Variants in CALML4 observed in about 807,000 individuals in gnomAD.
CALML4 encodes calmodulin like 4.
In CALML4, 16 loss-of-function variants were observed where a neutral mutation model predicts 17.9. The ratio of observed to expected loss-of-function variants is 0.89; its 90% confidence interval spans 0.61 to 1.36. The LOEUF (loss-of-function observed/expected upper bound fraction) is 1.36, where lower values mean the gene tolerates loss of function less well. CALML4 is among the 40% of genes most tolerant of loss of function. The pLI, the probability that CALML4 is intolerant of heterozygous loss-of-function variation, is 0.00. For synonymous variants in CALML4, 86 were observed against 71.5 expected (o/e 1.20, Z -1.02); for missense variants, 203 against 194.8 (o/e 1.04, Z -0.25).
Position 68,197,802 on chromosome 15 carries a change from C to T in CALML4, c.176-174G>A. ...ATCCCCTCCCACCGAGTTCCCACGA[C>T]AGGCCCCTCACTGGACTGGACATTC... is the stretch of plus-strand genomic sequence containing the variant. On this transcript the variant is annotated intron_variant, in intron 3 of 4. Coordinates refer to ENST00000467889, the MANE Select transcript of CALML4 (RefSeq NM_033429.3). The surrounding 1 kb of genome is among the most constrained non-coding windows in gnomAD (Gnocchi z 4.1). The T allele has an allele frequency of 3.3e-6, 2 of 599,662 alleles. No individual in the cohort carries two copies. Among genetic ancestry groups the T allele is most frequent in the Non-Finnish European group, 5.9e-6 (2 of 338,818 alleles). The allele number at this position is 599,662 out of a possible 1,614,324, so 37.1% of individuals were successfully genotyped here.
Position 68,197,764 on chromosome 15 carries a change from G to A in CALML4, c.176-136C>T. On this transcript the variant is annotated intron_variant, in intron 3 of 4. Transcript: ENST00000467889. The surrounding 1 kb of genome is among the most constrained non-coding windows in gnomAD (Gnocchi z 4.1). ...ATGCCAGGATGTGGCAGTGGTCACA[G>A]TGAAGAGGATGCATCCCCTCCCACC... The A allele has an allele frequency of 1.4e-6, 1 of 733,046 alleles. No individual in the cohort carries two copies. 45.4% of individuals were successfully genotyped at this position (733,046 alleles called of 1,614,324 possible). A position where few individuals can be genotyped will look rare whatever the true frequency, so the allele number is the denominator to read the frequency against.
intron 2 of CALML4, among the ~76,000 whole-genome samples, chr15:68,203,859 C>A (rs2093173407): frequency 6.6e-6 from 1 of 152,168 alleles, no homozygotes; most frequent in African/African-American, 2.4e-5. Context: ...CTGGTGGCCA[C>A]TTTCTTGGTG....
At position 68,199,608 on chromosome 15, in the gene CALML4, G is replaced by A; in HGVS notation, c.108C>T (p.Ala36=). The change falls in exon 3 of 5, where the codon GCC becomes GCT. Residue 36 remains alanine (A), a synonymous_variant. Coordinates refer to ENST00000467889, the MANE Select transcript of CALML4 (RefSeq NM_033429.3). Reference sequence around the variant, plus strand: ...TCGGGCTGGCCCCCAGGCACCTCATGGCCACCATGAGGTCGGTGGCTTTTA... The same window carrying A: ...TCGGGCTGGCCCCCAGGCACCTCATAGCCACCATGAGGTCGGTGGCTTTTA... ...GKIKATDLMV[A]MRCLGASPTP... 6.2e-7 allele frequency: 1 copy of A among 1,613,642 alleles called. No individual in the cohort carries two copies. Among genetic ancestry groups the A allele is most frequent in the Non-Finnish European group, 8.5e-7 (1 of 1,179,922 alleles).
chr15:68,197,496 G>A lies in CALML4; in HGVS notation c.308C>T (p.Ala103Val), dbSNP rs751371702. The A allele has an allele frequency of 2.0e-5, 32 of 1,614,010 alleles. No individual in the cohort carries two copies. Among genetic ancestry groups the A allele is most frequent in the East Asian group, 6.7e-5 (3 of 44,874 alleles). The change falls in exon 4 of 5, where the codon GCG becomes GTG. Residue 103 changes from alanine (A) to valine (V), a missense_variant. Coordinates refer to ENST00000467889, the MANE Select transcript of CALML4 (RefSeq NM_033429.3). This position sits in a 1 kb window ranked among gnomAD's most constrained non-coding sequence, Gnocchi z 4.1. ...VDKEKKGYVM[A>V]SDLRSKLTSL... ...CGTGAGTTTTGACCGCAGGTCGGAC[G>A]CCATGACGTAACCTTTCTTCTCCTT...
rs2093121785 is a variant in CALML4 at position 68,191,843 on chromosome 15, C to T, written c.*2172G>A. On this transcript the variant is annotated 3_prime_UTR_variant, in exon 5 of 5. Transcript: ENST00000467889. ...TCCTCGGGTAGAGGTTTGAATCAAA[C>T]ACTTAATAGGATCTTAGACTCTGGA... The T allele has an allele frequency of 2.0e-5, 3 of 152,166 alleles. No homozygotes were observed. Among genetic ancestry groups the T allele is most frequent in the Admixed American group, 2.0e-4 (3 of 15,280 alleles). The allele number at this position is 152,166 out of a possible 1,614,324, so 9.4% of individuals were successfully genotyped here. A position where few individuals can be genotyped will look rare whatever the true frequency, so the allele number is the denominator to read the frequency against.
At chr15:68,205,982 G>A (rs922415327), upstream of CALML4, 6 of 153,650 alleles carry the variant, frequency 3.9e-5, no homozygotes, top group African/African-American at 1.4e-4. The surrounding 1 kb of genome is among the most constrained non-coding windows in gnomAD (Gnocchi z 4.8). Context: ...TGGTGGAGGG[G>A]CCTGAGCCGG....
chr15:68,195,551 G>A (rs1278637167), intron 4 of CALML4, among the ~76,000 whole-genome samples: 1 of 152,152 alleles, frequency 6.6e-6, no homozygotes. Context: ...GGACACCTGA[G>A]TAGAACAGCC....
rs2093126951 is a variant in CALML4, at chr15:68,192,942, C to T, written c.*1073G>A. ...TCCAGATTTGACAAGTGTATGGCACCTCTGAATCTCTGGCAGCACCAACCT... is the reference window on the plus strand; with the variant it reads ...TCCAGATTTGACAAGTGTATGGCACTTCTGAATCTCTGGCAGCACCAACCT... On this transcript the variant is annotated 3_prime_UTR_variant, in exon 5 of 5. Coordinates refer to ENST00000467889, the MANE Select transcript of CALML4 (RefSeq NM_033429.3). 6.6e-6 allele frequency: 1 copy of T among 152,184 alleles called. No homozygotes were observed. The highest frequency in any genetic ancestry group is 1.5e-5 in the Non-Finnish European group (1 of 68,078). The allele number at this position is 152,184 out of a possible 1,614,324, so 9.4% of individuals were successfully genotyped here.
chr15:68,193,954 T>C lies in CALML4; in HGVS notation c.*61A>G. On this transcript the variant is annotated 3_prime_UTR_variant, in exon 5 of 5. Coordinates refer to ENST00000467889, the MANE Select transcript of CALML4 (RefSeq NM_033429.3). ...CTCTCCCAAGTGAAAAGAACACTTT[T>C]TAAAAAAAATTAATTGCTCCAAGTT... 3 of 1,281,112 alleles carry C rather than the reference T, an allele frequency of 2.3e-6. No individual in the cohort carries two copies. The highest frequency in any genetic ancestry group is 3.4e-6 in the Non-Finnish European group (3 of 888,376). The allele number at this position is 1,281,112 out of a possible 1,614,324, so 79.4% of individuals were successfully genotyped here.
chr15:68,205,315 G>A lies in CALML4; in HGVS notation c.-68C>T. The A allele has an allele frequency of 6.2e-7, 1 of 1,614,096 alleles. No homozygotes were observed. The highest frequency in any genetic ancestry group is 8.5e-7 in the Non-Finnish European group (1 of 1,180,022). ...ACCGCGTTCAGTTCCCTTTCCTCCA[G>A]CCTCAAGTCTAAAGTCTGCCAAGCT... On this transcript the variant is annotated 5_prime_UTR_variant, in exon 1 of 5. Transcript: ENST00000467889. The surrounding 1 kb of genome is among the most constrained non-coding windows in gnomAD (Gnocchi z 4.8).
chr15:68,199,584 C>T lies in CALML4; in HGVS notation c.132G>A (p.Pro44=), dbSNP rs756782215. 8.7e-6 allele frequency: 14 copies of T among 1,613,648 alleles called. No homozygotes were observed. Among genetic ancestry groups the T allele is most frequent in the Admixed American group, 6.7e-5 (4 of 59,972 alleles). The change falls in exon 3 of 5, where the codon CCG becomes CCA. Residue 44 remains proline (P), a synonymous_variant. Transcript: ENST00000467889. The stretch of plus-strand genomic sequence containing the variant: ...GGTGCCGCTGCACCTCCCCTGGCGT[C>T]GGGCTGGCCCCCAGGCACCTCATGG... ...MVAMRCLGAS[P]TPGEVQRHLQ... is the part of the protein sequence containing the mutation.
intron 2 of CALML4, among the ~76,000 whole-genome samples, chr15:68,202,344 G>A (rs911761858): frequency 7.9e-5 from 12 of 152,208 alleles, no homozygotes; most frequent in East Asian, 3.8e-4. Flanking sequence ...AGTGGCTCAC[G>A]CCTGTAATCC....
At chr15:68,199,726 C>G in intron 2 of CALML4, 45 bp from the exon 3 acceptor site, 1 of 1,573,426 alleles carries the variant, frequency 6.4e-7, no homozygotes, top group Non-Finnish European at 8.7e-7. Flanking sequence ...TGGTCACTCT[C>G]CGCCCATGCC....
intron 2 of CALML4, among the ~76,000 whole-genome samples, chr15:68,203,832 C>G (rs2093173331): frequency 6.6e-6 from 1 of 152,214 alleles, no homozygotes; most frequent in African/African-American, 2.4e-5. Context: ...TCCAGTCTTT[C>G]ACACACTCAT....
rs753888864 is a variant in CALML4, at chr15:68,197,195, C to T, written c.364+245G>A. The stretch of plus-strand genomic sequence containing the variant: ...TCCAGCTGCCCTGCCTTGTGGGTTC[C>T]GAGCTGGGTTTCCCCTAGGCTGTCC... On this transcript the variant is annotated intron_variant, in intron 4 of 4. Transcript: ENST00000467889. This position sits in a 1 kb window ranked among gnomAD's most constrained non-coding sequence, Gnocchi z 4.1. Among the ~76,000 whole-genome samples the T allele has an allele frequency of 6.6e-6, 1 of 152,104 alleles. No individual in the cohort carries two copies. The highest frequency in any genetic ancestry group is 1.5e-5 in the Non-Finnish European group (1 of 67,998).
At chr15:68,195,250 C>T (rs573561525) in intron 4 of CALML4, among the ~76,000 whole-genome samples, 5 of 151,710 alleles carry the variant, frequency 3.3e-5, no homozygotes, top group African/African-American at 1.2e-4. Context: ...GGATACCTTC[C>T]ACACACACAC....
Position 68,205,255 on chromosome 15 carries a change from C to G in CALML4, c.-8G>C. On this transcript the variant is annotated 5_prime_UTR_variant, in exon 1 of 5. Coordinates refer to ENST00000467889, the MANE Select transcript of CALML4 (RefSeq NM_033429.3). The surrounding 1 kb of genome is among the most constrained non-coding windows in gnomAD (Gnocchi z 4.8). ...GACCCTCACACTCACCATTCTGGGGCCTCGGCTGCTACCCGTGGGCTTGCT... is the reference window on the plus strand; with the variant it reads ...GACCCTCACACTCACCATTCTGGGGGCTCGGCTGCTACCCGTGGGCTTGCT... 6.2e-7 allele frequency: 1 copy of G among 1,614,140 alleles called. No individual in the cohort carries two copies. The highest frequency in any genetic ancestry group is 8.5e-7 in the Non-Finnish European group (1 of 1,180,024).
Position 68,194,004 on chromosome 15 carries a change from A to G in CALML4, c.*11T>C. On this transcript the variant is annotated 3_prime_UTR_variant, in exon 5 of 5. Coordinates refer to ENST00000467889, the MANE Select transcript of CALML4 (RefSeq NM_033429.3). ...TTTCAGGCCCAGGGGAGGCTCTCCC[A>G]TTCTCCTCCTTCAATAGTCCCGTCC... 4 of 1,594,138 alleles carry G rather than the reference A, an allele frequency of 2.5e-6. No individual in the cohort carries two copies. Among genetic ancestry groups the G allele is most frequent in the Non-Finnish European group, 3.4e-6 (4 of 1,162,330 alleles).
rs1453742110 is a variant in CALML4, at chr15:68,192,718, TCCTCCCAAAAGA to T, written c.*1285_*1296del. The T allele has an allele frequency of 1.3e-5, 2 of 152,236 alleles. No homozygotes were observed. Among genetic ancestry groups the T allele is most frequent in the Non-Finnish European group, 2.9e-5 (2 of 68,088 alleles). 9.4% of individuals were successfully genotyped at this position (152,236 alleles called of 1,614,324 possible). A position where few individuals can be genotyped will look rare whatever the true frequency, so the allele number is the denominator to read the frequency against. ...TAGTGAAAGATTTGTGTCTTGTACA[TCCTCCCAAAAGA>T]CACATCCCATTTGATTTGGTTTTCT... On this transcript the variant is annotated 3_prime_UTR_variant, in exon 5 of 5. Transcript: ENST00000467889.
Sources: allele counts gnomAD v4.1 joint callset (sites outside exome capture counted in the v4.1 genomes callset), GRCh38; gene constraint gnomAD v4.1.1; non-coding constraint Gnocchi (gnomAD v3.1); transcripts MANE v1.5; gene names NCBI Gene and HGNC (gene_info 2026-07-23, HGNC 2026-07-21).